The following ZCCHC14 variants were observed in gnomAD, a reference collection of about 807,000 sequenced individuals.
ZCCHC14 encodes zinc finger CCHC domain-containing protein 14.
ZCCHC14 carries 16 observed loss-of-function variants against 85.0 expected under a neutral mutation model. That is an observed-to-expected ratio of 0.19 (90% CI 0.13 to 0.29). ZCCHC14 has a LOEUF of 0.29. Ranked by LOEUF, ZCCHC14 falls within the 10% of genes least tolerant of loss-of-function variation. ZCCHC14 has a pLI of 1.00. For synonymous variants in ZCCHC14, 775 were observed against 630.7 expected (o/e 1.23, Z -3.43); for missense variants, 1,303 against 1,443.5 (o/e 0.90, Z 1.58).
At chr16:87,461,949 T>C (rs1911279648) in intron 1 of ZCCHC14, among the ~76,000 whole-genome samples, 1 of 152,166 alleles carries the variant, frequency 6.6e-6, no homozygotes, top group Admixed American at 6.5e-5. Flanking sequence ...GTCACAGGGC[T>C]ACATAATTGG....
chr16:87,406,552 G>A lies in ZCCHC14; in HGVS notation c.*3728C>T, dbSNP rs910350858. 1 of 152,416 alleles carries A rather than the reference G, an allele frequency of 6.6e-6. No homozygotes were observed. Among genetic ancestry groups the A allele is most frequent in the African/African-American group, 2.4e-5 (1 of 41,402 alleles). 9.4% of individuals were successfully genotyped at this position (152,416 alleles called of 1,614,324 possible). ...GTCCAATAGAAGCTGTGAAGGTATCGAGTACACAAGGTGTCCAGTTTCAGT... is the reference window on the plus strand; with the variant it reads ...GTCCAATAGAAGCTGTGAAGGTATCAAGTACACAAGGTGTCCAGTTTCAGT... On this transcript the variant is annotated 3_prime_UTR_variant, in exon 13 of 13. Transcript: ENST00000671377.
intron 2 of ZCCHC14, among the ~76,000 whole-genome samples, chr16:87,448,247 T>G (rs1431411215): frequency 1.3e-5 from 2 of 152,222 alleles, no homozygotes; most frequent in Non-Finnish European, 2.9e-5. Context: ...AAACTTGGCT[T>G]GCCACAGTCC....
chr16:87,420,683 T>C lies in ZCCHC14; in HGVS notation c.874A>G (p.Lys292Glu), dbSNP rs1567513168. The change falls in exon 5 of 13, where the codon AAA becomes GAA. Residue 292 changes from lysine to glutamate, a missense_variant. Around this residue, in one of 7 missense-constraint regions of ZCCHC14, gnomAD observed 389 missense variants for 397.8 expected, o/e 0.98. Coordinates refer to ENST00000671377, the MANE Select transcript of ZCCHC14 (RefSeq NM_015144.3). The surrounding 1 kb of genome is among the most constrained non-coding windows in gnomAD (Gnocchi z 5.0). ...GGACCAGCTAAGCAAGGAATGAGTTTCTCCAAGTTCTCTTCAGGATAGAGC... is the reference window on the plus strand; with the variant it reads ...GGACCAGCTAAGCAAGGAATGAGTTCCTCCAAGTTCTCTTCAGGATAGAGC... ...CQLYPEENLE[K>E]LIPCLAGPDA... 2 of 1,613,748 alleles carry C rather than the reference T, an allele frequency of 1.2e-6. No homozygotes were observed. The highest frequency in any genetic ancestry group is 1.1e-5 in the South Asian group (1 of 90,950).
chr16:87,450,562 TA>T (rs1567528790), intron 2 of ZCCHC14, among the ~76,000 whole-genome samples: 1 of 151,248 alleles, frequency 6.6e-6, no homozygotes, highest in Non-Finnish European at 1.5e-5. Context: ...AAGCTGATAA[TA>T]GATTCTTTTT....
chr16:87,411,462 T>C (rs780921033), intron 12 of ZCCHC14, 54 bp downstream of exon 12: 8 of 1,585,582 alleles, frequency 5.0e-6, no homozygotes, highest in Non-Finnish European at 6.8e-6. Flanking sequence ...ACCAAGCATT[T>C]GTGTGCACTG....
intron 1 of ZCCHC14, chr16:87,473,083 G>C (rs1309900418): frequency 6.6e-6 from 1 of 152,192 alleles, no homozygotes; most frequent in Non-Finnish European, 1.5e-5. Context: ...ACAGCTTCAG[G>C]GGCAGAGGCT....
At chr16:87,480,223 G>C (rs1912203924) in intron 1 of ZCCHC14, among the ~76,000 whole-genome samples, 1 of 152,030 alleles carries the variant, frequency 6.6e-6, no homozygotes, top group Admixed American at 6.5e-5. Context: ...CTAACACGGT[G>C]AAACTCCGTC....
At chr16:87,444,734 G>C (rs970013014) in intron 2 of ZCCHC14, among the ~76,000 whole-genome samples, 1 of 152,154 alleles carries the variant, frequency 6.6e-6, no homozygotes, top group African/African-American at 2.4e-5. Context: ...AAGTATCCGG[G>C]TCATGAAAGA....
chr16:87,423,139 G>C (rs139479605), intron 4 of ZCCHC14, among the ~76,000 whole-genome samples: 10 of 152,368 alleles, frequency 6.6e-5, no homozygotes, highest in African/African-American at 2.2e-4. Context: ...AGTCGTTCAC[G>C]CTACAGCACA....
intron 1 of ZCCHC14, among the ~76,000 whole-genome samples, chr16:87,463,866 C>G (rs190205578): frequency 6.6e-6 from 1 of 152,302 alleles, no homozygotes; most frequent in African/African-American, 2.4e-5. Context: ...GTCACTCAGG[C>G]TGGAATGCAG....
At chr16:87,457,499 T>C (rs905944158) in intron 2 of ZCCHC14, among the ~76,000 whole-genome samples, 2 of 152,252 alleles carry the variant, frequency 1.3e-5, no homozygotes, top group African/African-American at 4.8e-5. Flanking sequence ...AAAGGGCTGT[T>C]ATGAAGATGA....
intron 1 of ZCCHC14, among the ~76,000 whole-genome samples, chr16:87,462,993 C>T (rs1258107671): frequency 1.3e-5 from 2 of 151,156 alleles, no homozygotes; most frequent in African/African-American, 4.9e-5. Context: ...GCTTGAACCC[C>T]GGAGTTGGAG....
chr16:87,456,737 C>T (rs1480181111), intron 2 of ZCCHC14, among the ~76,000 whole-genome samples: 4 of 151,904 alleles, frequency 2.6e-5, no homozygotes, highest in Non-Finnish European at 5.9e-5. Context: ...TTTTTAAAAA[C>T]TCAGTTTTAA....
At chr16:87,471,091 T>C (rs1369290768) in intron 1 of ZCCHC14, 1 of 152,156 alleles carries the variant, frequency 6.6e-6, no homozygotes, top group Non-Finnish European at 1.5e-5. Context: ...AACTTCAAAG[T>C]GTCTACCCCC....
intron 1 of ZCCHC14, among the ~76,000 whole-genome samples, chr16:87,476,958 C>T (rs7188179): frequency 1.7e-4 from 26 of 151,524 alleles, no homozygotes; most frequent in African/African-American, 6.1e-4. Context: ...AACCTTGTCT[C>T]TAATAAAAAT....
rs866475027 is a variant in ZCCHC14, at chr16:87,492,342, G to T, written c.-104C>A. 3.8e-6 allele frequency: 1 copy of T among 265,216 alleles called. No homozygotes were observed. Among genetic ancestry groups the T allele is most frequent in the Non-Finnish European group, 5.7e-6 (1 of 175,868 alleles). 16.4% of individuals were successfully genotyped at this position (265,216 alleles called of 1,614,324 possible). A position where few individuals can be genotyped will look rare whatever the true frequency, so the allele number is the denominator to read the frequency against. ...GGGCGCGCCGGGACCGGGGACGCGC[G>T]GGCCGGGGCCGGGTCCGGGCGAGGG... On this transcript the variant is annotated 5_prime_UTR_variant, in exon 1 of 13. Transcript: ENST00000671377. This position sits in a 1 kb window ranked among gnomAD's most constrained non-coding sequence, Gnocchi z 6.7.
intron 3 of ZCCHC14, among the ~76,000 whole-genome samples, chr16:87,428,907 T>C (rs1422806721): frequency 6.6e-6 from 1 of 152,326 alleles, no homozygotes; most frequent in South Asian, 2.1e-4. Flanking sequence ...CCGGGGGTGG[T>C]ATTCCACTGC....
rs993687342 is a variant in ZCCHC14, at chr16:87,414,430, C to G, written c.1587G>C (p.Arg529=). ...CTTGTTCACCTGCTGCATGGCTGCC[C>G]CGCCCCGACTGCACGGGCCCGACGT... ...TSHVGPVQSG[R]GSHAAELRVE... The change falls in exon 10 of 13, where the codon CGG becomes CGC. Residue 529 remains arginine (R), a synonymous_variant. Coordinates refer to ENST00000671377, the MANE Select transcript of ZCCHC14 (RefSeq NM_015144.3). 1 of 1,613,386 alleles carries G rather than the reference C, an allele frequency of 6.2e-7. No individual in the cohort carries two copies. Among genetic ancestry groups the G allele is most frequent in the Non-Finnish European group, 8.5e-7 (1 of 1,179,918 alleles).
intron 2 of ZCCHC14, among the ~76,000 whole-genome samples, chr16:87,438,908 T>A (rs1158431989): frequency 6.6e-6 from 1 of 152,244 alleles, no homozygotes; most frequent in Non-Finnish European, 1.5e-5. Context: ...GTGTCCTGCC[T>A]CACCTTTGTT....
Sources: gnomAD v4.1 joint callset for allele counts (sites outside exome capture counted in the v4.1 genomes callset) on GRCh38, gnomAD v4.1.1 for gene constraint, gnomAD v4.1.1 regional missense constraint, Gnocchi (gnomAD v3.1) non-coding constraint, MANE v1.5 for transcripts, NCBI Gene and HGNC (gene_info 2026-07-23, HGNC 2026-07-21) for gene names.